Variants in CEBPZ observed in about 807,000 individuals in gnomAD.
CEBPZ encodes the protein CCAAT/enhancer-binding protein zeta.
CEBPZ carries 78 observed loss-of-function variants against 104.5 expected under a neutral mutation model. That is an observed-to-expected ratio of 0.75 (90% CI 0.62 to 0.90). The LOEUF (loss-of-function observed/expected upper bound fraction) is 0.90. CEBPZ is among the 40% of genes least tolerant of loss of function. The probability of loss-of-function intolerance (pLI) is 0.00; values close to 1 mark genes in which losing one functional copy is unlikely to be tolerated. For missense variants in CEBPZ, 1,439 were observed against 1,233.5 expected (o/e 1.17, Z -2.50); for synonymous variants, 470 against 427.0 (o/e 1.10, Z -1.24).
At position 37,227,639 on chromosome 2, in the gene CEBPZ, C is replaced by T; in HGVS notation, c.1554G>A (p.Val518=). ...IDTLFKVLHI[V]NFNTSVQALM... ...AAGCCTGGACACTGGTATTAAAATTCACAATATGCAACACTTTAAACAGTG... is the reference window on the plus strand; with the variant it reads ...AAGCCTGGACACTGGTATTAAAATTTACAATATGCAACACTTTAAACAGTG... The change falls in exon 2 of 16, where the codon GTG becomes GTA. Residue 518 remains valine, a synonymous_variant. Transcript: ENST00000234170. 2.5e-6 allele frequency: 4 copies of T among 1,614,100 alleles called. No homozygotes were observed. The highest frequency in any genetic ancestry group is 3.4e-6 in the Non-Finnish European group (4 of 1,179,996).
rs1677863489 is a variant in CEBPZ at position 37,216,212 on chromosome 2, A to C, written c.2312-4T>G. ...ATCACAACACTATCTGTGTTTTCTG[A>C]AATGTAAAATTATGACAGTATAATG... is the stretch of plus-strand genomic sequence containing the variant. On this transcript the variant is annotated splice_region_variant and splice_polypyrimidine_tract_variant and intron_variant, in intron 7 of 15. Coordinates refer to ENST00000234170, the MANE Select transcript of CEBPZ (RefSeq NM_005760.3). The C allele has an allele frequency of 3.7e-6, 6 of 1,612,034 alleles. No homozygotes were observed. The highest frequency in any genetic ancestry group is 4.2e-6 in the Non-Finnish European group (5 of 1,179,024).
At chr2:37,218,732 T>G (rs368282946) in intron 5 of CEBPZ, among the ~76,000 whole-genome samples, 2 of 152,262 alleles carry the variant, frequency 1.3e-5, no homozygotes, top group South Asian at 2.1e-4. Flanking sequence ...GGCAAAACAC[T>G]GTCTGTGCTA....
Position 37,220,473 on chromosome 2 carries a change from C to G in CEBPZ, c.2066G>C (p.Gly689Ala), listed in dbSNP as rs1371573807. The G allele has an allele frequency of 3.9e-6, 6 of 1,556,098 alleles. No homozygotes were observed. The highest frequency in any genetic ancestry group is 5.3e-6 in the Non-Finnish European group (6 of 1,136,588). ...ASWVHFDNLK[G>A]GKQLNKYDPF... is the part of the protein sequence containing the mutation. ...ATCGTATTTATTTAACTGTTTCCCA[C>G]CTAGGAATAACAAAAAAAATACGAT... The change falls in exon 5 of 16, where the codon GGT (glycine) becomes GCT (alanine). Residue 689 changes from glycine (G) to alanine (A), a missense_variant and splice_region_variant. Gly to Ala is a moderately conservative substitution (Grantham distance 60, BLOSUM62 0). Transcript: ENST00000234170.
In CEBPZ at chr2:37,223,760, G is replaced by A. The variant is rs561578535; in HGVS notation, c.1650-359C>T. On this transcript the variant is annotated intron_variant, in intron 2 of 15. Transcript: ENST00000234170. ...AACCAGATAGTGAAAACTGACCCAT[G>A]AAAGCAGAACATTAGAAGATTTGGG... is the stretch of plus-strand genomic sequence containing the variant. Among the ~76,000 whole-genome samples, 13 of 152,322 alleles carry A rather than the reference G, an allele frequency of 8.5e-5. No homozygotes were observed. The South Asian group carries it at 2.7e-3, about 32-fold the overall frequency.
chr2:37,208,585 T>A (rs1572495247), intron 13 of CEBPZ, among the ~76,000 whole-genome samples: 1 of 151,994 alleles, frequency 6.6e-6, no homozygotes, highest in East Asian at 1.9e-4. Context: ...TTTGACAAAA[T>A]CAAGCATCCT....
chr2:37,222,963 A>G (rs1464360891), intron 3 of CEBPZ, among the ~76,000 whole-genome samples: 1 of 152,216 alleles, frequency 6.6e-6, no homozygotes, highest in Non-Finnish European at 1.5e-5. Context: ...CTAGTATAGT[A>G]CAGTTTATTG....
rs766804895 is a variant in CEBPZ, at chr2:37,213,915, C to T, written c.2494G>A (p.Asp832Asn). 1.9e-6 allele frequency: 3 copies of T among 1,595,358 alleles called. No homozygotes were observed. Among genetic ancestry groups the T allele is most frequent in the Non-Finnish European group, 2.6e-6 (3 of 1,174,326 alleles). The change falls in exon 10 of 16, where the codon GAT becomes AAT. Residue 832 changes from aspartate to asparagine, a missense_variant. By Grantham distance (23) the Asp-to-Asn change is conservative. Coordinates refer to ENST00000234170, the MANE Select transcript of CEBPZ (RefSeq NM_005760.3). ...AVKEKQKRDA[D>N]EESIEDVDDE... ...TCCACGTCTTCTATACTTTCTTCAT[C>T]TGCATCCCGTTTTTGTTTCTCTTTA...
rs746486717 is a variant in CEBPZ at position 37,222,525 on chromosome 2, A to G, written c.1920T>C (p.Asp640=). 9 of 1,591,808 alleles carry G rather than the reference A, an allele frequency of 5.7e-6. No homozygotes were observed. The highest frequency in any genetic ancestry group is 2.3e-5 in the South Asian group (2 of 85,634). Residue 640 remains aspartate, a synonymous_variant, in exon 4 of 16, where the codon GAT becomes GAC. Transcript: ENST00000234170. ...CAGTGAATTTTTCCATGTCTTCATC[A>G]TCATTTGCATCAATAAAATTTTCTT... The part of the protein sequence containing the change: ...DDEENFIDAN[D]DEDMEKFTDA...
intron 13 of CEBPZ, among the ~76,000 whole-genome samples, chr2:37,207,689 C>T (rs1677585083): frequency 6.6e-6 from 1 of 152,124 alleles, no homozygotes; most frequent in Non-Finnish European, 1.5e-5. Flanking sequence ...TAAATGTCTA[C>T]ATCAAAAAGT....
At chr2:37,211,596 G>C (rs939665115) in intron 12 of CEBPZ, 5 of 437,370 alleles carry the variant, frequency 1.1e-5, no homozygotes, top group Middle Eastern at 5.8e-4. Flanking sequence ...GTATTGTACA[G>C]AGAAGCTAGC....
intron 13 of CEBPZ, chr2:37,208,815 A>G (rs1677622806): frequency 6.6e-6 from 1 of 152,170 alleles, no homozygotes. Context: ...AGAGAAAGAA[A>G]GGGCATTCAA....
intron 2 of CEBPZ, among the ~76,000 whole-genome samples, chr2:37,223,742 T>C (rs991537893): frequency 6.6e-6 from 1 of 152,226 alleles, no homozygotes. Flanking sequence ...TAAAACCAGA[T>C]AGTGAAAACT....
chr2:37,215,199 A>G (rs1677839673), intron 8 of CEBPZ: 1 of 300,188 alleles, frequency 3.3e-6, no homozygotes, highest in South Asian at 1.3e-4. Flanking sequence ...CAGTGCCGTT[A>G]CAGTGAAACA....
chr2:37,204,277 A>AT (rs531479622), intron 13 of CEBPZ: 1,658 of 109,262 alleles, frequency 0.015, 12 homozygotes, highest in East Asian at 0.03. Flanking sequence ...CTAATTTTTG[A>AT]TTTTTTTTTT....
intron 1 of CEBPZ, among the ~76,000 whole-genome samples, chr2:37,229,682 C>A (rs1383873598): frequency 6.6e-6 from 1 of 152,152 alleles, no homozygotes. Context: ...AGGCACACAT[C>A]TGTTGGCCCA....
At position 37,216,316 on chromosome 2, in the gene CEBPZ, C is replaced by T. The variant is rs1677865761; in HGVS notation, c.2311G>A (p.Glu771Lys). The T allele has an allele frequency of 6.2e-7, 1 of 1,612,536 alleles. No individual in the cohort carries two copies. Among genetic ancestry groups the T allele is most frequent in the East Asian group, 2.2e-5 (1 of 44,798 alleles). The change falls in exon 7 of 16, where the codon GAA (glutamate) becomes AAA (lysine). Residue 771 changes from glutamate to lysine, a missense_variant and splice_region_variant. Transcript: ENST00000234170. ...AATAATTCACTAAATAGAAGCATAC[C>T]TTTGCCTTTATGGGGCTTTGGATTT... is the stretch of plus-strand genomic sequence containing the variant. ...YRNPKPHKGKENTDSVVMQPK... is the reference protein window; with the variant it reads ...YRNPKPHKGKKNTDSVVMQPK...
At position 37,216,383 on chromosome 2, in the gene CEBPZ, C is replaced by T; in HGVS notation, c.2244G>A (p.Gln748=). The change falls in exon 7 of 16, where the codon CAG becomes CAA. Residue 748 remains glutamine, a synonymous_variant. Coordinates refer to ENST00000234170, the MANE Select transcript of CEBPZ (RefSeq NM_005760.3). ...NYIQYSGDPL[Q]DFTLMRFLDR... ...CCAAAAATCTCATTAGAGTGAAATC[C>T]TGCAGTGGGTCCCCTGAATACTGAA... The T allele has an allele frequency of 6.2e-7, 1 of 1,613,710 alleles. No individual in the cohort carries two copies. The highest frequency in any genetic ancestry group is 2.2e-5 in the East Asian group (1 of 44,814).
Position 37,228,528 on chromosome 2 carries a change from C to G in CEBPZ, c.665G>C (p.Ser222Thr), listed in dbSNP as rs747626546. ...LYQHEINLFKSKTNSQKGASS... is the reference protein window; with the variant it reads ...LYQHEINLFKTKTNSQKGASS... Reference sequence around the variant, plus strand: ...GGCTCCCTTTTGACTATTCGTCTTACTTTTGAATAAGTTGATTTCATGCTG... The same window carrying G: ...GGCTCCCTTTTGACTATTCGTCTTAGTTTTGAATAAGTTGATTTCATGCTG... Residue 222 changes from serine (S) to threonine (T), a missense_variant, in exon 2 of 16, where the codon AGT becomes ACT. By Grantham distance (58) the Ser-to-Thr change is moderately conservative. Coordinates refer to ENST00000234170, the MANE Select transcript of CEBPZ (RefSeq NM_005760.3). The G allele has an allele frequency of 1.2e-6, 2 of 1,614,170 alleles. No homozygotes were observed. Among genetic ancestry groups the G allele is most frequent in the East Asian group, 4.5e-5 (2 of 44,892 alleles).
At chr2:37,217,901 CAA>C (rs58344885) in intron 5 of CEBPZ, among the ~76,000 whole-genome samples, 2 of 139,318 alleles carry the variant, frequency 1.4e-5, no homozygotes, top group Non-Finnish European at 1.6e-5. Flanking sequence ...GACTCTGTCT[CAA>C]AAAAAAAAAA....
Sources: gnomAD v4.1 joint callset for allele counts (sites outside exome capture counted in the v4.1 genomes callset) on GRCh38, gnomAD v4.1.1 for gene constraint, MANE v1.5 for transcripts, NCBI Gene and HGNC (gene_info 2026-07-23, HGNC 2026-07-21) for gene names.